KCNMA1: variants seen among roughly 807,000 people sequenced by gnomAD.
KCNMA1 encodes Calcium-activated potassium channel subunit alpha-1.
In KCNMA1, 29 loss-of-function variants were observed where a neutral mutation model predicts 140.0. That is an observed-to-expected ratio of 0.21 (90% CI 0.15 to 0.28). The LOEUF (loss-of-function observed/expected upper bound fraction) is 0.28. KCNMA1 is among the 10% of genes least tolerant of loss of function. The probability of loss-of-function intolerance (pLI) is 1.00; values close to 1 mark genes in which losing one functional copy is unlikely to be tolerated. For missense variants in KCNMA1, 880 were observed against 1,602.2 expected (o/e 0.55, Z 7.70); for synonymous variants, 612 against 611.9 (o/e 1.00, Z 0.00).
intron 1 of KCNMA1, among the ~76,000 whole-genome samples, chr10:77,632,896 T>C (rs1178614922): frequency 6.6e-6 from 1 of 152,214 alleles, no homozygotes; most frequent in Admixed American, 6.5e-5. Context: ...GCTCTTGGTA[T>C]AGGTGATGTA....
intron 2 of KCNMA1, among the ~76,000 whole-genome samples, chr10:77,363,820 G>A (rs1456647897): frequency 1.3e-5 from 2 of 152,050 alleles, no homozygotes. Flanking sequence ...GCCTCCTCAA[G>A]AAAAACTCCC....
chr10:77,248,900 C>T (rs2059155686), intron 3 of KCNMA1, among the ~76,000 whole-genome samples: 1 of 152,166 alleles, frequency 6.6e-6, no homozygotes, highest in Admixed American at 6.5e-5. Flanking sequence ...CTCCCTTGTG[C>T]TGAATCCACT....
chr10:77,621,829 A>G (rs1396697920), intron 1 of KCNMA1, among the ~76,000 whole-genome samples: 2 of 152,116 alleles, frequency 1.3e-5, no homozygotes, highest in South Asian at 2.1e-4. Context: ...TGCAAGTCCC[A>G]GCTACTCAGG....
At position 77,154,489 on chromosome 10, in the gene KCNMA1, G is replaced by C. The variant is rs141903355; in HGVS notation, c.808+28932C>G. On this transcript the variant is annotated intron_variant, in intron 5 of 27. Coordinates refer to ENST00000286628, the MANE Select transcript of KCNMA1 (RefSeq NM_001161352.2). ...CCAATTCTTCATTACTTAGATAATT[G>C]TCATATAAAGAGAAAATAGAATGAT... 1.0e-3 allele frequency among the ~76,000 whole-genome samples: 152 copies of C among 152,142 alleles called. 1 individual carries two copies. The highest frequency in any genetic ancestry group is 3.3e-3 in the African/African-American group (137 of 41,496).
At chr10:77,366,773 G>A (rs947346039) in intron 2 of KCNMA1, among the ~76,000 whole-genome samples, 18 of 152,208 alleles carry the variant, frequency 1.2e-4, no homozygotes, top group African/African-American at 2.4e-4. Flanking sequence ...GGAGTGGGCA[G>A]CACAGATTGT....
intron 3 of KCNMA1, among the ~76,000 whole-genome samples, chr10:77,248,127 AC>A (rs2058958316): frequency 6.6e-6 from 1 of 152,186 alleles, no homozygotes; most frequent in Non-Finnish European, 1.5e-5. Context: ...ATCATAAACC[AC>A]CAATGATGAC....
At chr10:77,353,571 T>C (rs1223775750) in intron 2 of KCNMA1, among the ~76,000 whole-genome samples, 1 of 151,888 alleles carries the variant, frequency 6.6e-6, no homozygotes, top group Non-Finnish European at 1.5e-5. Flanking sequence ...GTTACAAGTG[T>C]TTTCCATATA....
intron 19 of KCNMA1, chr10:76,979,401 G>T (rs1363746573): frequency 6.6e-6 from 1 of 152,120 alleles, no homozygotes; most frequent in Non-Finnish European, 1.5e-5. Flanking sequence ...ACACAATGTT[G>T]ATTTACATTT....
chr10:77,167,212 T>A (rs1375439946), intron 5 of KCNMA1, among the ~76,000 whole-genome samples: 1 of 152,130 alleles, frequency 6.6e-6, no homozygotes, highest in African/African-American at 2.4e-5. Context: ...CACATGTGAA[T>A]GAGAACACGC....
intron 5 of KCNMA1, among the ~76,000 whole-genome samples, chr10:77,163,288 C>T (rs2098591369): frequency 6.6e-6 from 1 of 152,148 alleles, no homozygotes; most frequent in Non-Finnish European, 1.5e-5. Flanking sequence ...TTTATTGGGA[C>T]ACAGCTATGT....
chr10:77,507,364 T>C (rs777085183), intron 1 of KCNMA1, among the ~76,000 whole-genome samples: 1 of 152,170 alleles, frequency 6.6e-6, no homozygotes, highest in South Asian at 2.1e-4. Flanking sequence ...ATGTGTTCCC[T>C]TGAAATGACC....
chr10:76,907,792 C>T (rs1302009726), intron 25 of KCNMA1, among the ~76,000 whole-genome samples: 4 of 152,168 alleles, frequency 2.6e-5, no homozygotes, highest in African/African-American at 9.7e-5. Flanking sequence ...CTGCCCACCT[C>T]GGCCTTCTAA....
At chr10:76,916,045 C>CACAT (rs1554912065) in intron 23 of KCNMA1, among the ~76,000 whole-genome samples, 3 of 150,268 alleles carry the variant, frequency 2.0e-5, no homozygotes, top group East Asian at 2.0e-4. Flanking sequence ...CACACACACA[C>CACAT]ATACACAAAT....
chr10:77,599,639 G>C (rs1394717669), intron 1 of KCNMA1, among the ~76,000 whole-genome samples: 1 of 152,210 alleles, frequency 6.6e-6, no homozygotes, highest in South Asian at 2.1e-4. Flanking sequence ...ACTGCGCAGA[G>C]TTGACGATGT....
chr10:77,557,512 C>T (rs987457765), intron 1 of KCNMA1, among the ~76,000 whole-genome samples: 1 of 152,172 alleles, frequency 6.6e-6, no homozygotes, highest in African/African-American at 2.4e-5. Flanking sequence ...GAGAATGTAA[C>T]TCTCATCCTC....
intron 6 of KCNMA1, among the ~76,000 whole-genome samples, chr10:77,119,826 T>C (rs955408589): frequency 1.3e-5 from 2 of 152,172 alleles, no homozygotes; most frequent in African/African-American, 2.4e-5. Context: ...ACTTGACTAA[T>C]AGAAAGTGAA....
intron 14 of KCNMA1, 47 bp downstream of exon 14, chr10:77,073,050 A>C: frequency 6.3e-7 from 1 of 1,587,174 alleles, no homozygotes; most frequent in Non-Finnish European, 8.7e-7. Flanking sequence ...CAACCCCACG[A>C]CAAATGGAAT....
intron 1 of KCNMA1, among the ~76,000 whole-genome samples, chr10:77,484,410 G>A (rs939283196): frequency 6.6e-6 from 1 of 152,226 alleles, no homozygotes; most frequent in African/African-American, 2.4e-5. Flanking sequence ...TCCAATTAAT[G>A]GTAAAAATCA....
intron 2 of KCNMA1, among the ~76,000 whole-genome samples, chr10:77,375,353 G>A (rs544030860): frequency 2.0e-5 from 3 of 152,222 alleles, no homozygotes; most frequent in African/African-American, 2.4e-5. Flanking sequence ...TTTCCCAGCT[G>A]GCCGTATTAC....
Sources: gnomAD v4.1 joint callset for allele counts (sites outside exome capture counted in the v4.1 genomes callset) on GRCh38, gnomAD v4.1.1 for gene constraint, MANE v1.5 for transcripts, NCBI Gene and HGNC (gene_info 2026-07-23, HGNC 2026-07-21) for gene names.